The following CHRM3 variants were observed in gnomAD, a reference collection of about 807,000 sequenced individuals.
CHRM3 encodes muscarinic acetylcholine receptor M3.
A neutral mutation model predicts 41.8 loss-of-function variants in CHRM3; 11 were observed. The observed-to-expected ratio is 0.26, with a 90% CI of 0.17 to 0.44. The LOEUF (loss-of-function observed/expected upper bound fraction) is 0.44. CHRM3 is among the 20% of genes least tolerant of loss of function. CHRM3 has a pLI of 1.00. For missense variants in CHRM3, 571 were observed against 745.4 expected (o/e 0.77, Z 2.72); for synonymous variants, 297 against 301.4 (o/e 0.99, Z 0.15).
chr1:239,716,277 G>A (rs565641984), intron 5 of CHRM3, among the ~76,000 whole-genome samples: 2 of 152,200 alleles, frequency 1.3e-5, no homozygotes, highest in African/African-American at 4.8e-5. Context: ...TACAAAGTCG[G>A]TAGAGTTGAA....
chr1:239,504,602 G>T (rs1668443506), intron 2 of CHRM3, among the ~76,000 whole-genome samples: 2 of 152,156 alleles, frequency 1.3e-5, no homozygotes, highest in Admixed American at 6.5e-5. Context: ...ATATGAAAGA[G>T]ATACTTGCAC....
At chr1:239,871,237 C>T (rs1676555454) in intron 6 of CHRM3, among the ~76,000 whole-genome samples, 1 of 151,934 alleles carries the variant, frequency 6.6e-6, no homozygotes, top group African/African-American at 2.4e-5. Flanking sequence ...ATAGGATTGC[C>T]ATATTATTAT....
intron 3 of CHRM3, among the ~76,000 whole-genome samples, chr1:239,591,701 G>T (rs1184642326): frequency 6.6e-6 from 1 of 152,076 alleles, no homozygotes; most frequent in African/African-American, 2.4e-5. Flanking sequence ...TCAGCTGAAA[G>T]TTCAGAATAA....
At chr1:239,699,667 A>G (rs1444147196) in intron 5 of CHRM3, among the ~76,000 whole-genome samples, 2 of 152,272 alleles carry the variant, frequency 1.3e-5, no homozygotes, top group South Asian at 2.1e-4. Flanking sequence ...ATTAGGATGT[A>G]TGTCTTCATA....
chr1:239,819,642 GT>G, intron 5 of CHRM3, among the ~76,000 whole-genome samples: 1 of 152,338 alleles, frequency 6.6e-6, no homozygotes, highest in East Asian at 1.9e-4. Flanking sequence ...AGTATTTTCT[GT>G]GTTGAAATGT....
chr1:239,799,888 G>C (rs767769118), intron 5 of CHRM3, among the ~76,000 whole-genome samples: 13 of 152,190 alleles, frequency 8.5e-5, no homozygotes, highest in African/African-American at 1.2e-4. Flanking sequence ...AGCTTAGACT[G>C]TAAACAGGTG....
chr1:239,422,803 AC>A (rs57704459), intron 1 of CHRM3, among the ~76,000 whole-genome samples: 30,960 of 150,052 alleles, frequency 0.21, 3,173 homozygotes, highest in South Asian at 0.26. Context: ...CTTAAAAAAA[AC>A]AAAAACAAAA....
chr1:239,417,516 A>T lies in CHRM3; in HGVS notation c.-521+30289A>T, dbSNP rs1040977656. 2.6e-5 allele frequency among the ~76,000 whole-genome samples: 4 copies of T among 151,810 alleles called. No individual in the cohort carries two copies. The South Asian group carries it at 6.3e-4, about 24-fold the overall frequency. ...TGGTGAAATGTTTATTTTCCTAGAC[A>T]GTCACCATAAATTATGTTTTAAAGC... On this transcript the variant is annotated intron_variant, in intron 1 of 6. Transcript: ENST00000676153.
At chr1:239,885,344 C>T (rs1320133740) in intron 6 of CHRM3, among the ~76,000 whole-genome samples, 1 of 152,052 alleles carries the variant, frequency 6.6e-6, no homozygotes, top group Non-Finnish European at 1.5e-5. Context: ...ACAGGAGGTC[C>T]GGAGTACGGT....
chr1:239,651,568 C>G (rs1672240852), intron 4 of CHRM3, among the ~76,000 whole-genome samples: 1 of 152,140 alleles, frequency 6.6e-6, no homozygotes, highest in Middle Eastern at 3.2e-3. Context: ...TCCCCTTCCC[C>G]AGGCCAGCCC....
chr1:239,413,469 G>A (rs1661268615), intron 1 of CHRM3, among the ~76,000 whole-genome samples: 1 of 151,918 alleles, frequency 6.6e-6, no homozygotes, highest in Admixed American at 6.6e-5. Flanking sequence ...TTGTATTTTT[G>A]TAGAGATGAG....
intron 2 of CHRM3, among the ~76,000 whole-genome samples, chr1:239,538,274 A>G (rs950921262): frequency 1.3e-5 from 2 of 152,118 alleles, no homozygotes; most frequent in Non-Finnish European, 2.9e-5. Flanking sequence ...TCTGAAATGT[A>G]TTATTTTCCT....
intron 5 of CHRM3, among the ~76,000 whole-genome samples, chr1:239,809,700 T>C (rs1438831890): frequency 6.6e-6 from 1 of 151,898 alleles, no homozygotes; most frequent in East Asian, 2.0e-4. Flanking sequence ...GGTCTCCCTA[T>C]GTTGCCCAGG....
At chr1:239,434,459 C>A (rs1282470288) in intron 1 of CHRM3, among the ~76,000 whole-genome samples, 2 of 152,202 alleles carry the variant, frequency 1.3e-5, no homozygotes, top group Non-Finnish European at 2.9e-5. Context: ...TGTTGCTGTG[C>A]TGCCCTACAG....
At chr1:239,700,965 G>A (rs1421463195) in intron 5 of CHRM3, among the ~76,000 whole-genome samples, 1 of 152,146 alleles carries the variant, frequency 6.6e-6, no homozygotes, top group Non-Finnish European at 1.5e-5. Flanking sequence ...GAGGAAAAGA[G>A]CTACCATCTC....
chr1:239,769,638 T>A (rs985803618), intron 5 of CHRM3, among the ~76,000 whole-genome samples: 8 of 152,196 alleles, frequency 5.3e-5, no homozygotes, highest in Non-Finnish European at 1.0e-4. Flanking sequence ...GCCCAACACT[T>A]TGGGAGGCCA....
intron 4 of CHRM3, among the ~76,000 whole-genome samples, chr1:239,645,825 T>TA (rs927588967): frequency 1.3e-5 from 2 of 152,188 alleles, no homozygotes; most frequent in Admixed American, 6.5e-5. Flanking sequence ...GTTACTTTCA[T>TA]AAAAAATACA....
intron 3 of CHRM3, among the ~76,000 whole-genome samples, chr1:239,601,880 C>G (rs1442971938): frequency 6.6e-6 from 1 of 151,832 alleles, no homozygotes; most frequent in African/African-American, 2.4e-5. Flanking sequence ...CCACAATAGT[C>G]TTCAGTTTAA....
intron 6 of CHRM3, among the ~76,000 whole-genome samples, chr1:239,864,537 C>CACAT (rs1361519510): frequency 3.5e-5 from 5 of 143,236 alleles, no homozygotes; most frequent in African/African-American, 6.0e-5. Flanking sequence ...CACACACACA[C>CACAT]ACACACACGC....
Sources: allele counts gnomAD v4.1 joint callset (sites outside exome capture counted in the v4.1 genomes callset), GRCh38; gene constraint gnomAD v4.1.1; transcripts MANE v1.5; gene names NCBI Gene and HGNC (gene_info 2026-07-23, HGNC 2026-07-21).